The following RFT1 variants were observed in gnomAD, a reference collection of about 807,000 sequenced individuals.
RFT1 encodes RFT1 glycolipid translocator homolog, also known as man(5)GlcNAc(2)-PP-dolichol translocation protein RFT1.
In RFT1, 43 loss-of-function variants were observed where a neutral mutation model predicts 62.2. The ratio of observed to expected loss-of-function variants is 0.69; its 90% CI spans 0.54 to 0.89. RFT1 has a LOEUF of 0.89. Among genes scored for constraint, RFT1 ranks in the 40% least tolerant of loss-of-function variants. The pLI, the probability that RFT1 is intolerant of heterozygous loss-of-function variation, is 0.00. For synonymous variants in RFT1, 262 were observed against 264.6 expected, an observed-to-expected ratio of 0.99 and a Z score of 0.10; for missense variants, 605 against 649.9, an observed-to-expected ratio of 0.93 and a Z score of 0.75.
chr3:53,112,206 C>T (rs1007829970), intron 6 of RFT1, among the ~76,000 whole-genome samples: 5 of 152,358 alleles, frequency 3.3e-5, no homozygotes, highest in Admixed American at 6.5e-5. Context: ...ACAGCTAACA[C>T]GTACAGCTCA....
At chr3:53,102,682 T>C (rs1016140008) in intron 10 of RFT1, among the ~76,000 whole-genome samples, 9 of 152,320 alleles carry the variant, frequency 5.9e-5, no homozygotes, top group Non-Finnish European at 1.0e-4. Flanking sequence ...AGCCTGTCCG[T>C]GCTGTGTCCG....
chr3:53,130,333 A>T lies in RFT1; in HGVS notation c.63+5T>A, dbSNP rs1385572161. ...ACAAGCTGGAACCTGAAGGGCAGAG[A>T]GTACCTGCAGGAGGAGACCGGAGGA... is the stretch of plus-strand genomic sequence containing the variant. On this transcript the variant is annotated splice_donor_5th_base_variant and intron_variant, in intron 1 of 12. Coordinates refer to ENST00000296292, the MANE Select transcript of RFT1 (RefSeq NM_052859.4). The T allele has an allele frequency of 1.3e-6, 2 of 1,567,014 alleles. No individual in the cohort carries two copies. Among genetic ancestry groups the T allele is most frequent in the Non-Finnish European group, 1.7e-6 (2 of 1,156,196 alleles).
chr3:53,097,554 A>G (rs1433288184), intron 11 of RFT1, among the ~76,000 whole-genome samples: 1 of 152,250 alleles, frequency 6.6e-6, no homozygotes, highest in Admixed American at 6.5e-5. Context: ...TTGGTTCAAT[A>G]CAATATAAGA....
chr3:53,083,067 G>A, the RFT1 span, among the ~76,000 whole-genome samples: 1 of 151,752 alleles, frequency 6.6e-6, no homozygotes, highest in Non-Finnish European at 1.5e-5. Context: ...TGGGTGTGGC[G>A]GTGGGCACCT....
At chr3:53,100,532 GAAGA>G (rs1175270247) in intron 10 of RFT1, among the ~76,000 whole-genome samples, 1 of 152,122 alleles carries the variant, frequency 6.6e-6, no homozygotes, top group Non-Finnish European at 1.5e-5. Flanking sequence ...ACCATCAACA[GAAGA>G]AAGAATAAAC....
the RFT1 span, among the ~76,000 whole-genome samples, chr3:53,067,110 T>A: frequency 4.6e-5 from 7 of 152,212 alleles, no homozygotes; most frequent in Non-Finnish European, 8.8e-5. Flanking sequence ...GGCGGAGCGC[T>A]TGAGCCTAGG....
At position 53,104,166 on chromosome 3, in the gene RFT1, C is replaced by G. The variant is rs190472357; in HGVS notation, c.958-69G>C. The G allele has an allele frequency of 9.2e-5, 140 of 1,516,914 alleles. No individual in the cohort carries two copies. In the Admixed American group the frequency reaches 9.9e-4, roughly 11 times the overall value. The allele number at this position is 1,516,914 out of a possible 1,614,324, so 94.0% of individuals were successfully genotyped here. On this transcript the variant is annotated intron_variant, in intron 9 of 12. Coordinates refer to ENST00000296292, the MANE Select transcript of RFT1 (RefSeq NM_052859.4). The stretch of plus-strand genomic sequence containing the variant: ...TGAAGAAAACCTTCATCCTTCACGT[C>G]TGGCCTTCTCCCTTCACTGTTTTAC...
At chr3:53,118,149 T>C (rs1701861663) in intron 6 of RFT1, among the ~76,000 whole-genome samples, 1 of 152,224 alleles carries the variant, frequency 6.6e-6, no homozygotes, top group Non-Finnish European at 1.5e-5. Flanking sequence ...ACTCTTTTCT[T>C]TACCTTCTCT....
At chr3:53,124,542 G>T (rs941657564) in intron 2 of RFT1, among the ~76,000 whole-genome samples, 7 of 152,196 alleles carry the variant, frequency 4.6e-5, no homozygotes, top group African/African-American at 1.7e-4. Context: ...CAAACCTTAA[G>T]CAGGGGAGCA....
At chr3:53,085,265 G>C (rs1700832472), downstream of RFT1, among the ~76,000 whole-genome samples, 5 of 152,156 alleles carry the variant, frequency 3.3e-5, no homozygotes, top group South Asian at 1.0e-3. Flanking sequence ...GGGAGAAGCA[G>C]AGAGGGCTGG....
At chr3:53,085,176 C>T (rs374282517), downstream of RFT1, among the ~76,000 whole-genome samples, 3 of 152,360 alleles carry the variant, frequency 2.0e-5, no homozygotes, top group South Asian at 4.1e-4. Context: ...GGGTCCTCCT[C>T]CTCTCACTGC....
At chr3:53,087,211 C>T (rs761322395), downstream of RFT1, among the ~76,000 whole-genome samples, 28 of 152,084 alleles carry the variant, frequency 1.8e-4, no homozygotes, top group African/African-American at 4.8e-4. Flanking sequence ...CACTCCAGCC[C>T]GGGCAACAGA....
At chr3:53,087,420 G>A (rs950813499), downstream of RFT1, among the ~76,000 whole-genome samples, 5 of 152,014 alleles carry the variant, frequency 3.3e-5, no homozygotes, top group African/African-American at 4.8e-5. Flanking sequence ...AGCTCCCACC[G>A]TCCGGGCCTG....
At position 53,119,984 on chromosome 3, in the gene RFT1, A is replaced by G; in HGVS notation, c.596T>C (p.Ile199Thr). 1 of 1,610,262 alleles carries G rather than the reference A, an allele frequency of 6.2e-7. No individual in the cohort carries two copies. The highest frequency in any genetic ancestry group is 2.2e-5 in the East Asian group (1 of 44,846). Reference sequence around the variant, plus strand: ...GGAACCCAGTAACTTTGTGAAATAAATAACATAGCAGAGCACCAGAACTGT... The same window carrying G: ...GGAACCCAGTAACTTTGTGAAATAAGTAACATAGCAGAGCACCAGAACTGT... ...YTTVLVLCYVIYFTKLLGSPE... is the reference protein window; with the variant it reads ...YTTVLVLCYVTYFTKLLGSPE... The change falls in exon 6 of 13, where the codon ATT becomes ACT. Residue 199 changes from isoleucine to threonine, a missense_variant. Ile to Thr is a moderately conservative substitution (Grantham distance 89). Coordinates refer to ENST00000296292, the MANE Select transcript of RFT1 (RefSeq NM_052859.4).
At chr3:53,078,524 G>C in the RFT1 span, among the ~76,000 whole-genome samples, 1 of 152,158 alleles carries the variant, frequency 6.6e-6, no homozygotes, top group Non-Finnish European at 1.5e-5. Flanking sequence ...CGAGGTGGGA[G>C]GATCAAGAGT....
chr3:53,129,048 CA>C (rs1702188412), intron 1 of RFT1, among the ~76,000 whole-genome samples: 1 of 151,550 alleles, frequency 6.6e-6, no homozygotes, highest in Non-Finnish European at 1.5e-5. Context: ...AAGATATTAT[CA>C]AAGGCTGAAA....
intron 1 of RFT1, among the ~76,000 whole-genome samples, chr3:53,129,671 G>A (rs144505668): frequency 2.7e-3 from 413 of 152,240 alleles, no homozygotes; most frequent in Non-Finnish European, 4.6e-3. Context: ...AAAAATTAGG[G>A]CCAAGAAGGG....
At chr3:53,124,355 C>T (rs1216371955) in intron 2 of RFT1, among the ~76,000 whole-genome samples, 1 of 152,194 alleles carries the variant, frequency 6.6e-6, no homozygotes, top group Non-Finnish European at 1.5e-5. Flanking sequence ...GTGGGCAGCA[C>T]CTGGGTGAGC....
chr3:53,111,947 C>T (rs756180795), intron 6 of RFT1, 39 bp from the exon 7 acceptor site: 101 of 1,509,706 alleles, frequency 6.7e-5, no homozygotes, highest in Admixed American at 4.5e-4. Flanking sequence ...ACATCACAGG[C>T]GTTGCAAGTC....
Sources: gnomAD v4.1 joint callset for allele counts (sites outside exome capture counted in the v4.1 genomes callset) on GRCh38, gnomAD v4.1.1 for gene constraint, MANE v1.5 for transcripts, NCBI Gene and HGNC (gene_info 2026-07-23, HGNC 2026-07-21) for gene names.